Variants in PIK3C2G observed in about 807,000 individuals in gnomAD.
PIK3C2G encodes the protein phosphatidylinositol-4-phosphate 3-kinase catalytic subunit type 2 gamma.
PIK3C2G carries 168 observed loss-of-function variants against 181.1 expected under a neutral mutation model. That is an observed-to-expected ratio of 0.93 (90% CI 0.82 to 1.05). The LOEUF (loss-of-function observed/expected upper bound fraction) is 1.05, where lower values mean the gene tolerates loss of function less well. PIK3C2G is among the 50% of genes least tolerant of loss of function. The pLI, the probability that PIK3C2G is intolerant of heterozygous loss-of-function variation, is 0.00. For missense variants in PIK3C2G, 1,869 were observed against 1,732.8 expected (o/e 1.08, Z -1.40); for synonymous variants, 573 against 592.2 (o/e 0.97, Z 0.47).
intron 5 of PIK3C2G, among the ~76,000 whole-genome samples, chr12:18,311,439 TA>T (rs1458231212): frequency 1.3e-5 from 2 of 152,000 alleles, no homozygotes; most frequent in African/African-American, 2.4e-5. Context: ...TAAACAGTAT[TA>T]AGGTATTATA....
At chr12:18,387,624 C>G (rs1943260042) in intron 14 of PIK3C2G, among the ~76,000 whole-genome samples, 1 of 152,080 alleles carries the variant, frequency 6.6e-6, no homozygotes, top group South Asian at 2.1e-4. Flanking sequence ...TCCCTTACCC[C>G]CTCCACTCTT....
At chr12:18,668,573 G>C in the PIK3C2G span, among the ~76,000 whole-genome samples, 1 of 152,050 alleles carries the variant, frequency 6.6e-6, no homozygotes, top group Non-Finnish European at 1.5e-5. Flanking sequence ...ATGCATGCTG[G>C]ACCATCATCT....
intron 10 of PIK3C2G, among the ~76,000 whole-genome samples, chr12:18,346,160 T>G (rs1379585742): frequency 6.6e-6 from 1 of 152,220 alleles, no homozygotes; most frequent in Non-Finnish European, 1.5e-5. Context: ...ATTTTCATTC[T>G]CTTTTTAATA....
chr12:18,307,743 T>C (rs926306715), intron 5 of PIK3C2G, among the ~76,000 whole-genome samples: 3 of 151,890 alleles, frequency 2.0e-5, no homozygotes, highest in African/African-American at 4.8e-5. Context: ...CCACCCTTCT[T>C]TCTATTATTT....
intron 5 of PIK3C2G, among the ~76,000 whole-genome samples, chr12:18,312,236 T>C (rs1950668823): frequency 6.6e-6 from 1 of 152,124 alleles, no homozygotes; most frequent in African/African-American, 2.4e-5. Flanking sequence ...ACCAACACAC[T>C]AGACATCAAG....
At chr12:18,509,004 T>C (rs971344739) in intron 24 of PIK3C2G, among the ~76,000 whole-genome samples, 1 of 152,164 alleles carries the variant, frequency 6.6e-6, no homozygotes, top group Non-Finnish European at 1.5e-5. Flanking sequence ...TTTGTATAAC[T>C]TTTTATGGTT....
rs12311144 is a variant in PIK3C2G at position 18,351,406 on chromosome 12, T to A, written c.1625+4570T>A. On this transcript the variant is annotated intron_variant, in intron 11 of 32. Transcript: ENST00000538779. ...CTTATAAAAATCAAGGATAATAAAG[T>A]GGAAGAAAAATCTTCTACCAGCATT... Among the ~76,000 whole-genome samples, 601 of 152,186 alleles carry A rather than the reference T, an allele frequency of 3.9e-3. 1 individual carries two copies. Among genetic ancestry groups the A allele is most frequent in the African/African-American group, 0.014 (565 of 41,526 alleles).
chr12:18,357,107 A>C (rs1940813670), intron 11 of PIK3C2G, among the ~76,000 whole-genome samples: 1 of 152,186 alleles, frequency 6.6e-6, no homozygotes, highest in African/African-American at 2.4e-5. Flanking sequence ...GACAGCTATA[A>C]AAACTAAAAA....
the PIK3C2G span, among the ~76,000 whole-genome samples, chr12:18,670,998 T>C: frequency 1.3e-5 from 2 of 151,818 alleles, no homozygotes; most frequent in Non-Finnish European, 2.9e-5. Context: ...GACAACATGG[T>C]GAAACCCTGT....
rs1255775723 is a variant in PIK3C2G, at chr12:18,338,661, A to ATC, written c.1395+115_1395+116dup. 1.5e-3 allele frequency: 825 copies of ATC among 544,750 alleles called. 1 individual carries two copies. Among genetic ancestry groups the ATC allele is most frequent in the Non-Finnish European group, 2.2e-3 (667 of 309,462 alleles). 33.7% of individuals were successfully genotyped at this position (544,750 alleles called of 1,614,324 possible). A position where few individuals can be genotyped will look rare whatever the true frequency, so the allele number is the denominator to read the frequency against. On this transcript the variant is annotated intron_variant, in intron 9 of 32. Transcript: ENST00000538779. The stretch of plus-strand genomic sequence containing the variant: ...TATTTCCGTGTGTATGTTTGTGTGT[A>ATC]TCTGTGTGTGTGTGTGTGTGTGTGT...
intron 31 of PIK3C2G, among the ~76,000 whole-genome samples, chr12:18,623,536 C>T (rs1165749416): frequency 2.6e-5 from 4 of 151,560 alleles, no homozygotes; most frequent in African/African-American, 4.8e-5. Flanking sequence ...TGTGGTTCCA[C>T]GTGAATTTTA....
intron 3 of PIK3C2G, among the ~76,000 whole-genome samples, chr12:18,290,140 A>G (rs1371990621): frequency 6.6e-6 from 1 of 152,212 alleles, no homozygotes; most frequent in African/African-American, 2.4e-5. Context: ...CCTTTGAGGT[A>G]GCTATTAATA....
intron 24 of PIK3C2G, among the ~76,000 whole-genome samples, chr12:18,517,848 G>C: frequency 6.6e-6 from 1 of 152,144 alleles, no homozygotes; most frequent in Non-Finnish European, 1.5e-5. Flanking sequence ...TGCCCATTCA[G>C]TATGATATTG....
chr12:18,523,326 A>G lies in PIK3C2G; in HGVS notation c.3324-14830A>G, dbSNP rs111869143. On this transcript the variant is annotated intron_variant, in intron 24 of 32. Transcript: ENST00000538779. The stretch of plus-strand genomic sequence containing the variant: ...TTTATAATCCTTGTGTCCTTATATT[A>G]GTGCCTGCATATGTGAGGACATCAT... Among the ~76,000 whole-genome samples the G allele has an allele frequency of 8.2e-3, 1,247 of 152,226 alleles. 15 individuals are homozygous for G. The highest frequency in any genetic ancestry group is 0.028 in the African/African-American group (1,162 of 41,520).
At chr12:18,327,213 G>T (rs1180112767) in intron 8 of PIK3C2G, among the ~76,000 whole-genome samples, 2 of 152,040 alleles carry the variant, frequency 1.3e-5, no homozygotes, top group Non-Finnish European at 1.5e-5. Context: ...TCTTTAATGA[G>T]ATTTTTGCCT....
intron 29 of PIK3C2G, among the ~76,000 whole-genome samples, chr12:18,585,412 C>T (rs1351839035): frequency 6.6e-5 from 10 of 150,594 alleles, no homozygotes; most frequent in African/African-American, 2.2e-4. Context: ...ACAAAACAGA[C>T]ATTAAACCAA....
At chr12:18,297,005 A>T (rs1172900830) in intron 5 of PIK3C2G, among the ~76,000 whole-genome samples, 1 of 152,080 alleles carries the variant, frequency 6.6e-6, no homozygotes, top group Non-Finnish European at 1.5e-5. Context: ...GTCCTTGATA[A>T]TCCCATTTTC....
At chr12:18,391,071 A>C in intron 14 of PIK3C2G, 51 bp from the exon 15 acceptor site, 2 of 1,400,920 alleles carry the variant, frequency 1.4e-6, no homozygotes, top group South Asian at 3.1e-5. Flanking sequence ...TAAATCAATA[A>C]TGTATTTTGA....
chr12:18,635,742 C>T (rs1949570688), intron 31 of PIK3C2G, among the ~76,000 whole-genome samples: 1 of 152,156 alleles, frequency 6.6e-6, no homozygotes, highest in African/African-American at 2.4e-5. Context: ...GCAGCTTGGA[C>T]CTGTTGCAGA....
Sources: gnomAD v4.1 joint callset for allele counts (sites outside exome capture counted in the v4.1 genomes callset) on GRCh38, gnomAD v4.1.1 for gene constraint, MANE v1.5 for transcripts, NCBI Gene and HGNC (gene_info 2026-07-23, HGNC 2026-07-21) for gene names.